AOPEP: variants seen among roughly 807,000 people sequenced by gnomAD.
AOPEP encodes aminopeptidase O.
In AOPEP, 77 loss-of-function variants were observed where a neutral mutation model predicts 98.1. The observed-to-expected ratio is 0.78, with a 90% CI of 0.65 to 0.95. The LOEUF is 0.95. Ranked by LOEUF, AOPEP falls within the 40% of genes least tolerant of loss-of-function variation. The pLI is 0.00. For synonymous variants in AOPEP, 346 were observed against 365.3 expected, an observed-to-expected ratio of 0.95 and a Z score of 0.60; for missense variants, 1,024 against 1,024.7, an observed-to-expected ratio of 1.00 and a Z score of 0.01.
chr9:95,058,950 C>G (rs2067078270), intron 13 of AOPEP, among the ~76,000 whole-genome samples: 1 of 152,252 alleles, frequency 6.6e-6, no homozygotes, highest in South Asian at 2.1e-4. Flanking sequence ...GAGAACCAGT[C>G]TCACTGGGCT....
chr9:95,106,922 G>T, the AOPEP span: 4 of 797,364 alleles, frequency 5.0e-6, no homozygotes. Flanking sequence ...GTCCATCCCA[G>T]CTGTCAACCT....
At chr9:95,061,281 T>C (rs536878029) in intron 14 of AOPEP, among the ~76,000 whole-genome samples, 38 of 152,246 alleles carry the variant, frequency 2.5e-4, no homozygotes, top group Non-Finnish European at 5.1e-4. Flanking sequence ...CAATGTGATA[T>C]AGTCCTTAAT....
At chr9:95,125,650 GCAAAA>G in the AOPEP span, among the ~76,000 whole-genome samples, 4 of 152,088 alleles carry the variant, frequency 2.6e-5, no homozygotes, top group South Asian at 2.1e-4. Context: ...GTTTGTTTAA[GCAAAA>G]CAAAACAAAA....
intron 5 of AOPEP, among the ~76,000 whole-genome samples, chr9:94,916,716 A>T (rs1020244732): frequency 4.6e-5 from 7 of 151,050 alleles, no homozygotes; most frequent in African/African-American, 1.7e-4. Context: ...AAAATTAAAT[A>T]AATAAATAAA....
chr9:95,037,049 AC>A (rs1280001644), intron 13 of AOPEP, among the ~76,000 whole-genome samples: 1 of 152,310 alleles, frequency 6.6e-6, no homozygotes, highest in East Asian at 1.9e-4. Flanking sequence ...GTTGAACACC[AC>A]AGATGTATGA....
the AOPEP span, among the ~76,000 whole-genome samples, chr9:95,111,808 T>C: frequency 6.6e-6 from 1 of 152,230 alleles, no homozygotes; most frequent in Non-Finnish European, 1.5e-5. Flanking sequence ...AACGCCACTC[T>C]GCACCATCAC....
chr9:94,796,841 C>G (rs1847051752), intron 4 of AOPEP, among the ~76,000 whole-genome samples: 1 of 152,196 alleles, frequency 6.6e-6, no homozygotes, highest in African/African-American at 2.4e-5. Flanking sequence ...TAACCTTCAG[C>G]CACAGGGGAA....
intron 9 of AOPEP, among the ~76,000 whole-genome samples, chr9:94,958,206 C>T (rs113734171): frequency 0.029 from 4,377 of 152,282 alleles, 236 homozygotes; most frequent in African/African-American, 0.1. Flanking sequence ...ATCCATGTTG[C>T]AGCATGTACC....
the AOPEP span, among the ~76,000 whole-genome samples, chr9:95,119,715 CCTTT>C: frequency 6.7e-6 from 1 of 150,190 alleles, no homozygotes; most frequent in African/African-American, 2.5e-5. Flanking sequence ...ATTTTACATT[CCTTT>C]CTTATTTTTT....
At chr9:94,812,396 G>T (rs1850806212) in intron 5 of AOPEP, among the ~76,000 whole-genome samples, 1 of 152,108 alleles carries the variant, frequency 6.6e-6, no homozygotes, top group African/African-American at 2.4e-5. Flanking sequence ...CCAGAATCCG[G>T]AAGTCTTCCC....
At chr9:95,040,867 T>A (rs1407793625) in intron 13 of AOPEP, among the ~76,000 whole-genome samples, 1 of 152,216 alleles carries the variant, frequency 6.6e-6, no homozygotes, top group Non-Finnish European at 1.5e-5. Context: ...TTGATCCAAG[T>A]GCAGATGAGC....
chr9:94,858,320 G>A (rs1530331), intron 5 of AOPEP, among the ~76,000 whole-genome samples: 127,395 of 152,144 alleles, frequency 0.84, 55,290 homozygotes, highest in Non-Finnish European at 0.94. Flanking sequence ...GCAAAATAAC[G>A]TTATGGATTC....
chr9:95,074,196 T>G (rs1587921157), intron 14 of AOPEP, among the ~76,000 whole-genome samples: 1 of 152,182 alleles, frequency 6.6e-6, no homozygotes, highest in African/African-American at 2.4e-5. Context: ...GGCTCAGGCC[T>G]GTACCACAGA....
intron 5 of AOPEP, among the ~76,000 whole-genome samples, chr9:94,896,126 A>G (rs944062300): frequency 9.2e-5 from 14 of 152,238 alleles, no homozygotes; most frequent in Admixed American, 2.6e-4. Flanking sequence ...TAGGAAAACC[A>G]AGATGATCAA....
At chr9:94,828,093 G>T (rs571433714) in intron 5 of AOPEP, among the ~76,000 whole-genome samples, 1 of 152,286 alleles carries the variant, frequency 6.6e-6, no homozygotes, top group East Asian at 1.9e-4. Flanking sequence ...TGGTCAGCAC[G>T]GGGAATATTT....
chr9:94,795,857 A>T lies in AOPEP; in HGVS notation c.1118+2939A>T, dbSNP rs60240962. 4.7e-3 allele frequency among the ~76,000 whole-genome samples: 722 copies of T among 152,274 alleles called. 1 individual carries two copies. The highest frequency in any genetic ancestry group is 0.017 in the African/African-American group (698 of 41,546). On this transcript the variant is annotated intron_variant, in intron 4 of 16. Coordinates refer to ENST00000375315, the MANE Select transcript of AOPEP (RefSeq NM_001193329.3). ...GTACAACTCCTCTCTTGTCCTCCTAAATTCACCAGTTGAGGAACAGACAGA... is the reference window on the plus strand; with the variant it reads ...GTACAACTCCTCTCTTGTCCTCCTATATTCACCAGTTGAGGAACAGACAGA...
chr9:94,750,911 C>A, intron 1 of AOPEP, among the ~76,000 whole-genome samples: 1 of 151,736 alleles, frequency 6.6e-6, no homozygotes, highest in Non-Finnish European at 1.5e-5. Flanking sequence ...CCACGCCCGG[C>A]TAATTTTTTG....
intron 3 of AOPEP, among the ~76,000 whole-genome samples, chr9:94,792,031 G>A (rs1405115824): frequency 6.6e-6 from 1 of 152,164 alleles, no homozygotes; most frequent in Non-Finnish European, 1.5e-5. Flanking sequence ...AAGCCTCTAA[G>A]GTTTGGACCA....
In AOPEP at chr9:94,870,069, A is replaced by C. The variant is rs368126604; in HGVS notation, c.1365-53917A>C. 3.9e-4 allele frequency among the ~76,000 whole-genome samples: 56 copies of C among 144,882 alleles called. 1 individual carries two copies. Among genetic ancestry groups the C allele is most frequent in the African/African-American group, 1.4e-3 (55 of 38,524 alleles). On this transcript the variant is annotated intron_variant, in intron 5 of 16. Coordinates refer to ENST00000375315, the MANE Select transcript of AOPEP (RefSeq NM_001193329.3). ...AATGGTGCGATCTCGGCTCACTGCA[A>C]CCTCCGCCTCCTGGGTTCAAGCGAT...
Sources: allele counts gnomAD v4.1 joint callset (sites outside exome capture counted in the v4.1 genomes callset), GRCh38; gene constraint gnomAD v4.1.1; transcripts MANE v1.5; gene names NCBI Gene and HGNC (gene_info 2026-07-23, HGNC 2026-07-21).